The following COMMD1 variants were observed in gnomAD, a reference collection of about 807,000 sequenced individuals.
COMMD1 encodes the protein copper metabolism domain containing 1, also known as COMM domain-containing protein 1.
In COMMD1, 10 loss-of-function variants were observed where a neutral mutation model predicts 17.2. The observed-to-expected ratio is 0.58, with a 90% confidence interval of 0.36 to 0.99. The LOEUF is 0.99. Among genes scored for constraint, COMMD1 ranks in the 50% least tolerant of loss-of-function variants. COMMD1 has a pLI of 0.01. For missense variants in COMMD1, 270 were observed against 231.8 expected (o/e 1.17, Z -1.07); for synonymous variants, 97 against 91.6 (o/e 1.06, Z -0.34).
At chr2:62,065,512 A>G (rs1032991567) in intron 2 of COMMD1, among the ~76,000 whole-genome samples, 3 of 151,434 alleles carry the variant, frequency 2.0e-5, no homozygotes, top group Non-Finnish European at 4.4e-5. Flanking sequence ...GTGTGTAGAG[A>G]CACAGTCTCA....
intron 2 of COMMD1, among the ~76,000 whole-genome samples, chr2:62,018,618 G>A (rs1318757244): frequency 3.3e-5 from 5 of 152,122 alleles, no homozygotes; most frequent in African/African-American, 9.7e-5. Context: ...TATTTAAGGC[G>A]TAAAAAAACT....
intron 2 of COMMD1, among the ~76,000 whole-genome samples, chr2:62,093,355 C>A (rs1452574925): frequency 1.3e-5 from 2 of 152,086 alleles, no homozygotes; most frequent in African/African-American, 4.8e-5. Flanking sequence ...TTTGGGCTAC[C>A]ATGGGGGATG....
At chr2:62,035,919 T>C (rs531890045) in intron 2 of COMMD1, among the ~76,000 whole-genome samples, 25 of 151,968 alleles carry the variant, frequency 1.6e-4, no homozygotes, top group African/African-American at 5.1e-4. Flanking sequence ...CCGTGTGTTG[T>C]GGCATGTGCC....
intron 1 of COMMD1, among the ~76,000 whole-genome samples, chr2:61,918,050 A>G (rs1490691595): frequency 6.6e-6 from 1 of 152,212 alleles, no homozygotes; most frequent in Non-Finnish European, 1.5e-5. Context: ...GCAGTGGAAT[A>G]TTGGCTTGCC....
chr2:62,085,975 C>A (rs369588936), intron 2 of COMMD1, among the ~76,000 whole-genome samples: 1 of 151,388 alleles, frequency 6.6e-6, no homozygotes, highest in East Asian at 2.0e-4. Context: ...AAGACTCTGT[C>A]TCAAAACAAA....
intron 1 of COMMD1, chr2:61,915,697 A>G (rs1180154598): frequency 4.4e-6 from 2 of 453,338 alleles, no homozygotes; most frequent in Admixed American, 4.7e-5. Flanking sequence ...GAATCTCCCC[A>G]TATCGTCCAG....
intron 2 of COMMD1, among the ~76,000 whole-genome samples, chr2:62,016,206 C>CTTTTTTTTTTTTTTTTTT (rs769583167): frequency 2.6e-4 from 29 of 112,242 alleles, no homozygotes; most frequent in Non-Finnish European, 3.1e-4. Context: ...CTTTTCTTTT[C>CTTTTTTTTTTTTTTTTTT]TTTTTTTTTT....
chr2:61,968,967 A>G (rs1671576376), intron 1 of COMMD1: 1 of 327,780 alleles, frequency 3.1e-6, no homozygotes, highest in Non-Finnish European at 6.2e-6. Flanking sequence ...TTTTTTTTAA[A>G]GACAGGATCT....
chr2:62,051,456 A>G (rs577959682), intron 2 of COMMD1, among the ~76,000 whole-genome samples: 2 of 152,332 alleles, frequency 1.3e-5, no homozygotes, highest in South Asian at 4.1e-4. Context: ...TCATATATGC[A>G]TCTTAATTGT....
At chr2:61,915,949 G>A (rs1320921500) in intron 1 of COMMD1, among the ~76,000 whole-genome samples, 1 of 151,448 alleles carries the variant, frequency 6.6e-6, no homozygotes, top group Non-Finnish European at 1.5e-5. Flanking sequence ...TGGGATTACA[G>A]GCATGAGCCA....
intron 1 of COMMD1, among the ~76,000 whole-genome samples, chr2:61,923,291 C>T (rs1219029851): frequency 1.3e-5 from 2 of 151,900 alleles, no homozygotes; most frequent in East Asian, 1.9e-4. Flanking sequence ...AATTGTAATC[C>T]TTTTAGTCAG....
At chr2:61,977,776 C>G (rs1573024162) in intron 1 of COMMD1, among the ~76,000 whole-genome samples, 2 of 151,936 alleles carry the variant, frequency 1.3e-5, no homozygotes, top group African/African-American at 2.4e-5. Context: ...CACTTGAGGC[C>G]CACAGTTTGA....
upstream of COMMD1, among the ~76,000 whole-genome samples, chr2:61,902,642 TAAAAC>T (rs1385686740): frequency 6.6e-6 from 1 of 152,114 alleles, no homozygotes; most frequent in Non-Finnish European, 1.5e-5. Flanking sequence ...AAATGCGAAT[TAAAAC>T]AGTGAGATAA....
At chr2:61,892,146 A>G (rs1342503490) in intron 1 of COMMD1, among the ~76,000 whole-genome samples, 1 of 151,872 alleles carries the variant, frequency 6.6e-6, no homozygotes, top group African/African-American at 2.4e-5. Flanking sequence ...TCCTATATTT[A>G]AAAAATACTT....
chr2:62,038,524 T>C (rs922312663), intron 2 of COMMD1, among the ~76,000 whole-genome samples: 2 of 152,080 alleles, frequency 1.3e-5, no homozygotes, highest in Admixed American at 1.3e-4. Context: ...TATTTTTTGA[T>C]ATTTTATTTT....
chr2:62,065,749 TA>T (rs1429718830), intron 2 of COMMD1, among the ~76,000 whole-genome samples: 2 of 152,234 alleles, frequency 1.3e-5, no homozygotes, highest in Admixed American at 1.3e-4. Flanking sequence ...TTGTTTTTAG[TA>T]AAAGTCTTCA....
At chr2:62,091,343 G>A (rs1393731725) in intron 2 of COMMD1, among the ~76,000 whole-genome samples, 1 of 152,098 alleles carries the variant, frequency 6.6e-6, no homozygotes, top group East Asian at 1.9e-4. Context: ...TCATGAACTC[G>A]GCTTGCCCCA....
chr2:61,941,828 T>C (rs969368183), intron 1 of COMMD1, among the ~76,000 whole-genome samples: 1 of 152,194 alleles, frequency 6.6e-6, no homozygotes, highest in African/African-American at 2.4e-5. Flanking sequence ...TATAAAAGTT[T>C]CTCCAGAATC....
chr2:62,014,216 A>C (rs1175581208), intron 2 of COMMD1, among the ~76,000 whole-genome samples: 1 of 152,194 alleles, frequency 6.6e-6, no homozygotes, highest in Non-Finnish European at 1.5e-5. Context: ...TCAGCTGTTC[A>C]GGCTGTCTGT....
Sources: allele counts gnomAD v4.1 joint callset (sites outside exome capture counted in the v4.1 genomes callset), GRCh38; gene constraint gnomAD v4.1.1; transcripts MANE v1.5; gene names NCBI Gene and HGNC (gene_info 2026-07-23, HGNC 2026-07-21).